Variants in RALYL observed in about 807,000 individuals in gnomAD.
RALYL encodes RNA-binding Raly-like protein.
In RALYL, 29 loss-of-function variants were observed where a neutral mutation model predicts 35.1. The ratio of observed to expected loss-of-function variants is 0.83; its 90% confidence interval spans 0.61 to 1.13. The LOEUF is 1.13. RALYL is among the 50% of genes most tolerant of loss of function. RALYL has a pLI of 0.00. For missense variants in RALYL, 359 were observed against 360.4 expected, an observed-to-expected ratio of 1.00 and a Z score of 0.03; for synonymous variants, 120 against 127.6, an observed-to-expected ratio of 0.94 and a Z score of 0.40.
intron 1 of RALYL, among the ~76,000 whole-genome samples, chr8:84,389,766 A>G (rs903821431): frequency 3.3e-5 from 5 of 149,750 alleles, no homozygotes; most frequent in African/African-American, 5.0e-5. Context: ...GGTTTTCTAG[A>G]TATACAATCA....
chr8:84,268,916 A>T (rs1461035758), intron 1 of RALYL, among the ~76,000 whole-genome samples: 1 of 152,224 alleles, frequency 6.6e-6, no homozygotes, highest in African/African-American at 2.4e-5. Context: ...GTTATGCGAT[A>T]ATCTACTAGC....
intron 1 of RALYL, among the ~76,000 whole-genome samples, chr8:84,488,441 C>G (rs1449669099): frequency 6.6e-6 from 1 of 151,998 alleles, no homozygotes; most frequent in Non-Finnish European, 1.5e-5. Flanking sequence ...TTCAAAATGT[C>G]TCTGCATCCT....
chr8:84,224,066 G>C (rs903465899), intron 1 of RALYL, among the ~76,000 whole-genome samples: 1 of 152,032 alleles, frequency 6.6e-6, no homozygotes, highest in African/African-American at 2.4e-5. Flanking sequence ...CAATCCTTCT[G>C]TTTCTCTAAT....
intron 2 of RALYL, among the ~76,000 whole-genome samples, chr8:84,553,706 G>T (rs2135470816): frequency 6.6e-6 from 1 of 151,142 alleles, no homozygotes; most frequent in Admixed American, 6.6e-5. Context: ...TTCTTATTGT[G>T]CCTGGAAAAA....
intron 1 of RALYL, among the ~76,000 whole-genome samples, chr8:84,304,625 C>G (rs58198954): frequency 6.6e-6 from 1 of 151,994 alleles, no homozygotes; most frequent in Non-Finnish European, 1.5e-5. Context: ...AAAGAAGTGA[C>G]TTCTAATGTT....
chr8:84,571,586 A>G (rs1195216449), intron 2 of RALYL, among the ~76,000 whole-genome samples: 2 of 151,688 alleles, frequency 1.3e-5, no homozygotes, highest in Non-Finnish European at 3.0e-5. Flanking sequence ...GGTCATTTGT[A>G]TAATTTTTTT....
intron 1 of RALYL, among the ~76,000 whole-genome samples, chr8:84,281,675 C>T (rs1208221656): frequency 6.6e-6 from 1 of 152,092 alleles, no homozygotes; most frequent in Non-Finnish European, 1.5e-5. Flanking sequence ...TTAATCTACT[C>T]ACCTGAAAGT....
intron 1 of RALYL, among the ~76,000 whole-genome samples, chr8:84,525,531 T>TAAAAATTTGATAATTTGATTC: frequency 6.6e-6 from 1 of 152,118 alleles, no homozygotes; most frequent in Non-Finnish European, 1.5e-5. Context: ...ATCATTTTTA[T>TAAAAATTTGATAATTTGATTC]CAAATTTGGA....
intron 1 of RALYL, among the ~76,000 whole-genome samples, chr8:84,455,043 A>G (rs926040241): frequency 2.6e-5 from 4 of 152,028 alleles, no homozygotes; most frequent in African/African-American, 9.7e-5. Flanking sequence ...AGTATAATAT[A>G]AAATTCTTTG....
At chr8:84,251,275 G>T (rs1369307725) in intron 1 of RALYL, among the ~76,000 whole-genome samples, 1 of 152,046 alleles carries the variant, frequency 6.6e-6, no homozygotes, top group East Asian at 1.9e-4. Flanking sequence ...CAGAAATTCT[G>T]CTGTCCAGAT....
At chr8:84,790,988 C>G (rs1166206334) in intron 3 of RALYL, among the ~76,000 whole-genome samples, 2 of 152,120 alleles carry the variant, frequency 1.3e-5, no homozygotes, top group Non-Finnish European at 2.9e-5. Context: ...TGTAAAGAGG[C>G]AACTTTAGGC....
intron 2 of RALYL, among the ~76,000 whole-genome samples, chr8:84,622,083 A>G (rs1314819192): frequency 3.3e-5 from 5 of 152,220 alleles, no homozygotes; most frequent in South Asian, 2.1e-4. Context: ...AGAAGTCACA[A>G]TGAGTTGCTA....
chr8:84,826,992 T>TA lies in RALYL; in HGVS notation c.365+22191dup. 2.0e-5 allele frequency among the ~76,000 whole-genome samples: 3 copies of TA among 152,176 alleles called. 1 individual carries two copies. In the East Asian group the frequency reaches 5.8e-4, roughly 29 times the overall value. On this transcript the variant is annotated intron_variant, in intron 4 of 8. Coordinates refer to ENST00000521268, the MANE Select transcript of RALYL (RefSeq NM_173848.7). ...CTAAAAAACTCATAATTAATGCCCC[T>TA]AGCAATAGGAAAATGTATCTACATT...
intron 1 of RALYL, among the ~76,000 whole-genome samples, chr8:84,487,708 C>A (rs1181491414): frequency 6.6e-6 from 1 of 152,074 alleles, no homozygotes; most frequent in African/African-American, 2.4e-5. Flanking sequence ...AAATGGACTG[C>A]AAAGCCTAGA....
intron 4 of RALYL, among the ~76,000 whole-genome samples, chr8:84,828,030 G>A (rs761719881): frequency 6.6e-6 from 1 of 151,632 alleles, no homozygotes; most frequent in African/African-American, 2.4e-5. Context: ...TTCTTTAAAA[G>A]GCGTGGCCAG....
chr8:84,743,455 T>C (rs551265269), intron 2 of RALYL, among the ~76,000 whole-genome samples: 1 of 151,996 alleles, frequency 6.6e-6, no homozygotes, highest in South Asian at 2.1e-4. Flanking sequence ...AAAAAGTGTC[T>C]CTTATGGAGA....
At chr8:84,377,752 A>G (rs921917464) in intron 1 of RALYL, among the ~76,000 whole-genome samples, 2 of 151,840 alleles carry the variant, frequency 1.3e-5, no homozygotes, top group Non-Finnish European at 2.9e-5. Context: ...AAACCATTGA[A>G]AATTCAGAAT....
At chr8:84,485,240 G>T (rs2054482872) in intron 1 of RALYL, among the ~76,000 whole-genome samples, 1 of 151,910 alleles carries the variant, frequency 6.6e-6, no homozygotes, top group African/African-American at 2.4e-5. Flanking sequence ...CTAGCTCCTT[G>T]ATGTCAGCAC....
At chr8:84,402,090 T>C (rs968761480) in intron 1 of RALYL, among the ~76,000 whole-genome samples, 10 of 152,200 alleles carry the variant, frequency 6.6e-5, no homozygotes, top group African/African-American at 2.4e-4. Context: ...AGAAAAATGG[T>C]ACTGGCTTTT....
Sources: allele counts gnomAD v4.1 joint callset (sites outside exome capture counted in the v4.1 genomes callset), GRCh38; gene constraint gnomAD v4.1.1; transcripts MANE v1.5; gene names NCBI Gene and HGNC (gene_info 2026-07-23, HGNC 2026-07-21).